Variants in RPS2 observed in about 807,000 individuals in gnomAD.
The protein encoded by RPS2 is ribosomal protein S2.
In RPS2, 8 loss-of-function variants were observed where a neutral mutation model predicts 25.3. That is an observed-to-expected ratio of 0.32 (90% confidence interval 0.19 to 0.57). RPS2 has a LOEUF of 0.57. Ranked by LOEUF, RPS2 falls within the 20% of genes least tolerant of loss-of-function variation. The probability of loss-of-function intolerance (pLI) is 0.90; values close to 1 mark genes in which losing one functional copy is unlikely to be tolerated. For missense variants in RPS2, 229 were observed against 408.1 expected (o/e 0.56, Z 3.78); for synonymous variants, 181 against 161.3 (o/e 1.12, Z -0.92).
intron 4 of RPS2, 52 bp downstream of exon 4, chr16:1,963,097 C>G: frequency 6.9e-7 from 1 of 1,458,958 alleles, no homozygotes; most frequent in South Asian, 1.1e-5. Context: ...CTATGCAGAG[C>G]CGAGAGAGTC....
At chr16:1,964,162 C>T in intron 3 of RPS2, 114 bp downstream of exon 3, 1 of 800,060 alleles carries the variant, frequency 1.2e-6, no homozygotes, top group South Asian at 1.6e-5. Context: ...CTCAACCTCT[C>T]ACGCGAGACG....
At chr16:1,964,408 C>T (rs1374112785) in intron 2 of RPS2, 41 bp downstream of exon 2, 1 of 1,612,946 alleles carries the variant, frequency 6.2e-7, no homozygotes, top group South Asian at 1.1e-5. Context: ...CGCTCTCCGG[C>T]GCCGCCCAGG....
rs759395923 is a variant in RPS2, at chr16:1,964,576, G to A, written c.50C>T (p.Pro17Leu). The A allele has an allele frequency of 3.8e-6, 6 of 1,565,844 alleles. No homozygotes were observed. The highest frequency in any genetic ancestry group is 2.3e-5 in the East Asian group (1 of 42,792). ...GAAGCCACCGCGGTTCCCCATCCCAGGGCCACCAGGGCCCCCGGGCCCCCC... is the reference window on the plus strand; with the variant it reads ...GAAGCCACCGCGGTTCCCCATCCCAAGGCCACCAGGGCCCCCGGGCCCCCC... ...AAGGPGGPGG[P>L]GMGNRGGFRG... The change falls in exon 2 of 7, where the codon CCT becomes CTT. Residue 17 changes from proline to leucine, a missense_variant. Physicochemically the swap from Pro to Leu is moderately conservative, Grantham distance 98. This residue lies in a region of RPS2 where 27 missense variants were observed against 26.4 expected (regional missense o/e 1.02). Transcript: ENST00000343262.
intron 3 of RPS2, 26 bp from the exon 4 acceptor site, chr16:1,963,282 G>C (rs1050764789): frequency 7.1e-7 from 1 of 1,410,614 alleles, no homozygotes; most frequent in African/African-American, 1.4e-5. Flanking sequence ...AAATTGTAGG[G>C]AGAGCATTAA....
In RPS2 at chr16:1,963,236, G is replaced by C; in HGVS notation, c.288C>G (p.Phe96Leu). ...CATCCTTGAGAGAGGCCCCCAGGAA[G>C]AAATCAATGATCTCTGATTCCTGAA... is the stretch of plus-strand genomic sequence containing the variant. ...LPIKESEIID[F>L]FLGASLKDEV... The change falls in exon 4 of 7, where the codon TTC becomes TTG. Residue 96 changes from phenylalanine to leucine, a missense_variant. Coordinates refer to ENST00000343262, the MANE Select transcript of RPS2 (RefSeq NM_002952.4). The C allele has an allele frequency of 6.5e-7, 1 of 1,535,468 alleles. No individual in the cohort carries two copies.
intron 6 of RPS2, 106 bp from the exon 7 acceptor site, chr16:1,962,376 T>A (rs757763919): frequency 1.5e-6 from 2 of 1,378,122 alleles, no homozygotes; most frequent in East Asian, 4.6e-5. Flanking sequence ...TCTGGGCGGG[T>A]CTGTCGTGCA....
At chr16:1,963,032 AG>A (rs2083271314) in intron 4 of RPS2, 116 bp downstream of exon 4, 1 of 1,367,828 alleles carries the variant, frequency 7.3e-7, no homozygotes, top group South Asian at 1.2e-5. Flanking sequence ...GGTCCTGAGG[AG>A]ATCTTTTCTC....
In RPS2 at chr16:1,962,763, G is replaced by T; in HGVS notation, c.522C>A (p.Ile174=). The T allele has an allele frequency of 1.9e-6, 3 of 1,606,630 alleles. No homozygotes were observed. The highest frequency in any genetic ancestry group is 2.5e-6 in the Non-Finnish European group (3 of 1,176,630). Residue 174 remains isoleucine (I), a synonymous_variant, in exon 5 of 7, where the codon ATC becomes ATA. Coordinates refer to ENST00000343262, the MANE Select transcript of RPS2 (RefSeq NM_002952.4). Reference sequence around the variant, plus strand: ...TGCAAGGGACAGTGTGGGGCTTGCCGATCTTGTTCCCCCAGTAGCCTCTGC... The same window carrying T: ...TGCAAGGGACAGTGTGGGGCTTGCCTATCTTGTTCCCCCAGTAGCCTCTGC... ...PVRRGYWGNK[I]GKPHTVPCKV... is the part of the protein sequence containing the mutation.
chr16:1,964,442 T>A lies in RPS2; in HGVS notation c.177+7A>T, dbSNP rs2083288738. The A allele has an allele frequency of 1.9e-6, 3 of 1,610,816 alleles. No individual in the cohort carries two copies. Among genetic ancestry groups the A allele is most frequent in the Non-Finnish European group, 2.5e-6 (3 of 1,179,762 alleles). ...GGGGCCCGACCCCGAGCGTGGCTGA[T>A]ACCTACCTCCTTATCCTCGGCCTTG... On this transcript the variant is annotated splice_region_variant and intron_variant, in intron 2 of 6. Coordinates refer to ENST00000343262, the MANE Select transcript of RPS2 (RefSeq NM_002952.4).
chr16:1,962,644 A>C lies in RPS2; in HGVS notation c.562T>G (p.Cys188Gly). 4 of 1,602,040 alleles carry C rather than the reference A, an allele frequency of 2.5e-6. No individual in the cohort carries two copies. The highest frequency in any genetic ancestry group is 3.4e-6 in the Non-Finnish European group (4 of 1,175,414). The part of the protein sequence containing the change: ...HTVPCKVTGR[C>G]GSVLVRLIPA... ...ATGAGGCGTACCAGCACAGAGCCGC[A>C]GCGGCCTGTCACCTGGTGAGGGAAG... The change falls in exon 6 of 7, where the codon TGC becomes GGC. Residue 188 changes from cysteine (C) to glycine (G), a missense_variant. Physicochemically the swap from Cys to Gly is radical, Grantham distance 159. This residue lies in a region of RPS2 where 79 missense variants were observed against 159.0 expected (regional missense o/e 0.50). Coordinates refer to ENST00000343262, the MANE Select transcript of RPS2 (RefSeq NM_002952.4).
At chr16:1,964,081 GC>G (rs1291774681) in intron 3 of RPS2, 194 bp downstream of exon 3, 2 of 590,648 alleles carry the variant, frequency 3.4e-6, no homozygotes, top group African/African-American at 3.7e-5. Context: ...GCCTTTTGTG[GC>G]TCTGGCTTCG....
In RPS2 at chr16:1,964,339, G is replaced by C. The variant is rs200255156; in HGVS notation, c.204C>G (p.Arg68=). The change falls in exon 3 of 7, where the codon CGC becomes CGG. Residue 68 remains arginine (R), a synonymous_variant. Transcript: ENST00000343262. ...KEWMPVTKLG[R]LVKDMKIKSL... ...ACTTGATCTTCATGTCCTTGACCAA[G>C]CGGCCCAACTTGGTGACGGGCATCC... The C allele has an allele frequency of 6.2e-7, 1 of 1,613,514 alleles. No homozygotes were observed. The highest frequency in any genetic ancestry group is 8.5e-7 in the Non-Finnish European group (1 of 1,179,978).
At chr16:1,962,993 A>T in intron 4 of RPS2, 84 bp from the exon 5 acceptor site, 4 of 1,493,584 alleles carry the variant, frequency 2.7e-6, no homozygotes, top group Non-Finnish European at 3.7e-6. Context: ...CCCCTCAAGG[A>T]AAGAGAGGCC....
At position 1,962,752 on chromosome 16, in the gene RPS2, T is replaced by C. The variant is rs1171113495; in HGVS notation, c.533A>G (p.His178Arg). Residue 178 changes from histidine to arginine, a missense_variant, in exon 5 of 7, where the codon CAC (histidine) becomes CGC (arginine). His to Arg is a conservative substitution (Grantham distance 29, BLOSUM62 0). Coordinates refer to ENST00000343262, the MANE Select transcript of RPS2 (RefSeq NM_002952.4). The part of the protein sequence containing the change: ...GYWGNKIGKP[H>R]TVPCKVTGRC... ...CCAGCCTACCTTGCAAGGGACAGTG[T>C]GGGGCTTGCCGATCTTGTTCCCCCA... 1 of 1,604,586 alleles carries C rather than the reference T, an allele frequency of 6.2e-7. No homozygotes were observed. Among genetic ancestry groups the C allele is most frequent in the Non-Finnish European group, 8.5e-7 (1 of 1,175,768 alleles).
chr16:1,964,794 C>A lies in RPS2; in HGVS notation c.-4+13G>T, dbSNP rs557190217. 301 of 547,870 alleles carry A rather than the reference C, an allele frequency of 5.5e-4. No individual in the cohort carries two copies. The highest frequency in any genetic ancestry group is 8.0e-4 in the Non-Finnish European group (251 of 315,422). 33.9% of individuals were successfully genotyped at this position (547,870 alleles called of 1,614,324 possible). A position where few individuals can be genotyped will look rare whatever the true frequency, so the allele number is the denominator to read the frequency against. On this transcript the variant is annotated intron_variant, in intron 1 of 6. Transcript: ENST00000343262. Reference sequence around the variant, plus strand: ...CCACGCAGAGGCCCGCTGCAGCGACCAACAGGACTCACGTGTTTTGTCGGA... The same window carrying A: ...CCACGCAGAGGCCCGCTGCAGCGACAAACAGGACTCACGTGTTTTGTCGGA...
chr16:1,964,236 G>A (rs868000608), intron 3 of RPS2, 40 bp downstream of exon 3: 6 of 1,465,108 alleles, frequency 4.1e-6, no homozygotes, highest in Middle Eastern at 2.1e-4. Context: ...AAATGACTCC[G>A]GGGTCGCACT....
chr16:1,962,109 C>G lies in RPS2; in HGVS notation c.871G>C (p.Ala291Pro). ...SVQRTQAPAV[A>P]TT Reference sequence around the variant, plus strand: ...CTTGTATAAAAACCCTATGTTGTAGCCACAGCTGGAGCCTGAGTCCGCTGC... The same window carrying G: ...CTTGTATAAAAACCCTATGTTGTAGGCACAGCTGGAGCCTGAGTCCGCTGC... Residue 291 changes from alanine (A) to proline (P), a missense_variant, in exon 7 of 7, where the codon GCT becomes CCT. Ala to Pro is a conservative substitution (Grantham distance 27). This residue lies in a region of RPS2 where 32 missense variants were observed against 29.4 expected (regional missense o/e 1.09). Transcript: ENST00000343262. 6.4e-7 allele frequency: 1 copy of G among 1,562,606 alleles called. No individual in the cohort carries two copies.
chr16:1,962,674 C>G lies in RPS2; in HGVS notation c.550-18G>C, dbSNP rs761266070. The G allele has an allele frequency of 1.3e-6, 2 of 1,588,952 alleles. No individual in the cohort carries two copies. Among genetic ancestry groups the G allele is most frequent in the African/African-American group, 1.3e-5 (1 of 74,318 alleles). On this transcript the variant is annotated intron_variant, in intron 5 of 6. Coordinates refer to ENST00000343262, the MANE Select transcript of RPS2 (RefSeq NM_002952.4). ...CCTGTCACCTGGTGAGGGAAGGAGT[C>G]AGGAGACGGGGGCCCGAGGGAGCCT...
Position 1,962,097 on chromosome 16 carries a change from C to G in RPS2, c.*1G>C, listed in dbSNP as rs766300897. Reference sequence around the variant, plus strand: ...CACTTTATTTTTCTTGTATAAAAACCCTATGTTGTAGCCACAGCTGGAGCC... The same window carrying G: ...CACTTTATTTTTCTTGTATAAAAACGCTATGTTGTAGCCACAGCTGGAGCC... On this transcript the variant is annotated 3_prime_UTR_variant, in exon 7 of 7. Transcript: ENST00000343262. 16 of 1,552,620 alleles carry G rather than the reference C, an allele frequency of 1.0e-5. No individual in the cohort carries two copies. The South Asian group carries it at 1.9e-4, about 18-fold the overall frequency.
Sources: allele counts gnomAD v4.1 joint callset, GRCh38; gene constraint gnomAD v4.1.1; regional missense constraint gnomAD v4.1.1; transcripts MANE v1.5; gene names NCBI Gene and HGNC (gene_info 2026-07-23, HGNC 2026-07-21).